Variants in FIRRM observed in about 807,000 individuals in gnomAD.
FIRRM encodes the protein FIGNL1 interacting regulator of recombination and mitosis, also known as FIGNL1-interacting regulator of recombination and mitosis.
At chr1:169,843,964 C>T in the FIRRM span, among the ~76,000 whole-genome samples, 6 of 152,222 alleles carry the variant, frequency 3.9e-5, no homozygotes, top group African/African-American at 7.2e-5. Flanking sequence ...GTTAATTCAG[C>T]CTTTATCTGT....
At chr1:169,848,044 A>G in the FIRRM span, among the ~76,000 whole-genome samples, 3 of 152,166 alleles carry the variant, frequency 2.0e-5, no homozygotes, top group East Asian at 5.8e-4. Context: ...GTAGTCTACC[A>G]TATTAGATTC....
chr1:169,852,002 C>T, the FIRRM span: 7 of 1,606,510 alleles, frequency 4.4e-6, no homozygotes, highest in East Asian at 4.5e-5. Context: ...TACTTACTGA[C>T]GAAACAAACC....
At chr1:169,816,090 A>G in the FIRRM span, among the ~76,000 whole-genome samples, 1 of 152,218 alleles carries the variant, frequency 6.6e-6, no homozygotes, top group African/African-American at 2.4e-5. Flanking sequence ...TCATATTCCT[A>G]CACAGAATTA....
the FIRRM span, chr1:169,849,677 A>G: frequency 1.2e-5 from 14 of 1,211,838 alleles, no homozygotes; most frequent in East Asian, 3.0e-4. Flanking sequence ...GAACAATCCC[A>G]AAACATTTAT....
chr1:169,842,069 G>A, the FIRRM span, among the ~76,000 whole-genome samples: 3,515 of 151,800 alleles, frequency 0.023, 63 homozygotes, highest in Middle Eastern at 0.037. Flanking sequence ...CCAGCTTCTC[G>A]GGAGGTTGAG....
chr1:169,827,730 G>C, the FIRRM span: 2 of 1,614,084 alleles, frequency 1.2e-6, no homozygotes, highest in South Asian at 2.2e-5. Context: ...GTGAACTGCA[G>C]TTTCCACAAT....
the FIRRM span, chr1:169,849,417 C>A: frequency 2.0e-6 from 2 of 985,514 alleles, no homozygotes; most frequent in Non-Finnish European, 3.1e-6. Context: ...CTTGACAACA[C>A]TGGGCTTATT....
chr1:169,810,889 G>T, the FIRRM span, among the ~76,000 whole-genome samples: 8 of 96,274 alleles, frequency 8.3e-5, no homozygotes, highest in Non-Finnish European at 1.3e-4. Context: ...GTCTCGCTCT[G>T]TCGCCCAGGC....
the FIRRM span, among the ~76,000 whole-genome samples, chr1:169,823,992 A>G: frequency 6.6e-6 from 1 of 152,174 alleles, no homozygotes; most frequent in Non-Finnish European, 1.5e-5. Flanking sequence ...AGAGCCCTAA[A>G]TTTGACACAA....
the FIRRM span, chr1:169,807,702 A>G: frequency 8.4e-7 from 1 of 1,184,530 alleles, no homozygotes; most frequent in Non-Finnish European, 1.1e-6. Flanking sequence ...GTTTTTTTAA[A>G]TGTTCTACAA....
At chr1:169,800,181 G>A in the FIRRM span, among the ~76,000 whole-genome samples, 3 of 152,112 alleles carry the variant, frequency 2.0e-5, no homozygotes, top group African/African-American at 7.2e-5. Context: ...CCGCAGGTGC[G>A]TGCTACCATG....
At chr1:169,795,896 A>G in the FIRRM span, 18 of 985,316 alleles carry the variant, frequency 1.8e-5, no homozygotes, top group Non-Finnish European at 2.2e-5. Context: ...TGAGGCGCTT[A>G]GCGCCTTCTT....
chr1:169,795,869 C>T, the FIRRM span: 2 of 985,278 alleles, frequency 2.0e-6, no homozygotes, highest in Non-Finnish European at 2.4e-6. Flanking sequence ...TTGTTGTTGG[C>T]TTTCAACTGT....
chr1:169,792,960 C>A, the FIRRM span: 1 of 1,613,956 alleles, frequency 6.2e-7, no homozygotes, highest in Non-Finnish European at 8.5e-7. Flanking sequence ...ACATCTGGCT[C>A]ATTTACATCA....
At chr1:169,792,696 C>T in the FIRRM span, 3 of 1,613,572 alleles carry the variant, frequency 1.9e-6, no homozygotes, top group South Asian at 1.1e-5. Context: ...AAGAGATGAA[C>T]ACCTCCACCT....
chr1:169,833,415 T>A, the FIRRM span, among the ~76,000 whole-genome samples: 1 of 152,164 alleles, frequency 6.6e-6, no homozygotes, highest in African/African-American at 2.4e-5. Flanking sequence ...TTTAAGGTCT[T>A]ATGGTCCTCG....
chr1:169,806,955 C>T, the FIRRM span, among the ~76,000 whole-genome samples: 131 of 152,160 alleles, frequency 8.6e-4, no homozygotes, highest in Non-Finnish European at 1.3e-3. Flanking sequence ...AGGAATTAGC[C>T]ACATCACTAT....
the FIRRM span, among the ~76,000 whole-genome samples, chr1:169,838,977 T>C: frequency 1.3e-5 from 2 of 152,168 alleles, no homozygotes; most frequent in Non-Finnish European, 2.9e-5. Context: ...TTGCCATCTT[T>C]ATGTCCATGA....
chr1:169,811,929 T>C, the FIRRM span, among the ~76,000 whole-genome samples: 1 of 149,334 alleles, frequency 6.7e-6, no homozygotes, highest in Non-Finnish European at 1.5e-5. Context: ...TCTAGATAGA[T>C]AGAAACAAAG....
Sources: allele counts gnomAD v4.1 joint callset (sites outside exome capture counted in the v4.1 genomes callset), GRCh38; gene constraint gnomAD v4.1.1; transcripts MANE v1.5; gene names NCBI Gene and HGNC (gene_info 2026-07-23, HGNC 2026-07-21).